Variants in FAR2 observed in about 807,000 individuals in gnomAD.
FAR2 encodes the protein fatty acyl-CoA reductase 2.
FAR2 carries 19 observed loss-of-function variants against 56.0 expected under a neutral mutation model. The ratio of observed to expected loss-of-function variants is 0.34; its 90% CI spans 0.24 to 0.50. The LOEUF is 0.50. Ranked by LOEUF, FAR2 falls within the 20% of genes least tolerant of loss-of-function variation. The pLI, the probability that FAR2 is intolerant of heterozygous loss-of-function variation, is 0.98. For missense variants in FAR2, 508 were observed against 642.2 expected (o/e 0.79, Z 2.26); for synonymous variants, 219 against 218.8 (o/e 1.00, Z -0.01).
At chr12:29,166,833 C>T (rs1460495808) in intron 1 of FAR2, among the ~76,000 whole-genome samples, 1 of 152,174 alleles carries the variant, frequency 6.6e-6, no homozygotes, top group Non-Finnish European at 1.5e-5. Flanking sequence ...TCTTTCTCCC[C>T]CTATAGCTAT....
intron 1 of FAR2, among the ~76,000 whole-genome samples, chr12:29,258,064 C>A (rs1469745528): frequency 1.3e-5 from 2 of 152,074 alleles, no homozygotes; most frequent in Non-Finnish European, 2.9e-5. Flanking sequence ...ATCACAGGGG[C>A]TGGGCACAGT....
chr12:29,330,145 C>T (rs1305386329), intron 10 of FAR2, among the ~76,000 whole-genome samples: 2 of 151,516 alleles, frequency 1.3e-5, no homozygotes, highest in African/African-American at 4.9e-5. Context: ...CAACCTCCGC[C>T]TCCCGGGTTC....
chr12:29,189,543 C>A (rs529645554), intron 1 of FAR2, among the ~76,000 whole-genome samples: 21 of 152,272 alleles, frequency 1.4e-4, no homozygotes, highest in African/African-American at 4.6e-4. Context: ...GATTTGTGCC[C>A]TGAGTGTTCT....
chr12:29,230,084 A>T (rs1947832044), intron 1 of FAR2, among the ~76,000 whole-genome samples: 1 of 152,180 alleles, frequency 6.6e-6, no homozygotes, highest in Non-Finnish European at 1.5e-5. Flanking sequence ...ATGACCGAAT[A>T]AACAGATGTC....
intron 1 of FAR2, among the ~76,000 whole-genome samples, chr12:29,240,357 C>T (rs961755956): frequency 3.3e-5 from 5 of 152,080 alleles, no homozygotes; most frequent in Admixed American, 3.3e-4. Flanking sequence ...GCAATTCTTC[C>T]TCTCCCTGCT....
At chr12:29,177,386 C>G (rs1444467459) in intron 1 of FAR2, among the ~76,000 whole-genome samples, 2 of 152,076 alleles carry the variant, frequency 1.3e-5, no homozygotes, top group Non-Finnish European at 2.9e-5. Context: ...TTTTCTGCTT[C>G]TATTTGTGTT....
chr12:29,252,372 C>G (rs1367076130), intron 1 of FAR2, among the ~76,000 whole-genome samples: 2 of 152,046 alleles, frequency 1.3e-5, no homozygotes, highest in Non-Finnish European at 2.9e-5. Flanking sequence ...GGAGTGCTTA[C>G]TGAAGGAAAA....
At chr12:29,273,192 A>C (rs570365352) in intron 2 of FAR2, among the ~76,000 whole-genome samples, 1 of 152,166 alleles carries the variant, frequency 6.6e-6, no homozygotes, top group African/African-American at 2.4e-5. Context: ...CACTGGGGGG[A>C]AACCCACTTG....
chr12:29,227,559 G>A (rs1034270125), intron 1 of FAR2, among the ~76,000 whole-genome samples: 1 of 152,060 alleles, frequency 6.6e-6, no homozygotes, highest in African/African-American at 2.4e-5. Context: ...TACAGTACTT[G>A]CCCCAAGGTT....
intron 1 of FAR2, among the ~76,000 whole-genome samples, chr12:29,232,159 C>G (rs1161038722): frequency 2.6e-5 from 4 of 152,142 alleles, no homozygotes; most frequent in Non-Finnish European, 5.9e-5. Flanking sequence ...CAATCCCAGA[C>G]TAACATTTCT....
At chr12:29,214,342 A>T (rs1202461800) in intron 1 of FAR2, among the ~76,000 whole-genome samples, 1 of 152,086 alleles carries the variant, frequency 6.6e-6, no homozygotes, top group Non-Finnish European at 1.5e-5. Flanking sequence ...AAAATTATTC[A>T]CTCATTTCTT....
intron 1 of FAR2, among the ~76,000 whole-genome samples, chr12:29,232,404 C>G (rs1947873174): frequency 6.6e-6 from 1 of 152,000 alleles, no homozygotes; most frequent in Non-Finnish European, 1.5e-5. Context: ...AATTTTCTTC[C>G]CTTCCTCATG....
intron 2 of FAR2, among the ~76,000 whole-genome samples, chr12:29,290,262 G>A (rs553030636): frequency 2.6e-4 from 39 of 151,884 alleles, no homozygotes; most frequent in Non-Finnish European, 4.7e-4. Flanking sequence ...CCTGGCCAAC[G>A]TAGCGAAACC....
At chr12:29,238,143 T>G (rs1038395177) in intron 1 of FAR2, among the ~76,000 whole-genome samples, 2 of 152,156 alleles carry the variant, frequency 1.3e-5, no homozygotes, top group Admixed American at 1.3e-4. Flanking sequence ...CAAAGGAGAA[T>G]ATCCACAATT....
chr12:29,195,297 A>G (rs563767190), intron 1 of FAR2, among the ~76,000 whole-genome samples: 2 of 152,338 alleles, frequency 1.3e-5, no homozygotes, highest in South Asian at 4.1e-4. Flanking sequence ...CAAGGAAACT[A>G]CTATCTACCA....
chr12:29,306,336 A>G (rs185087551), intron 4 of FAR2, among the ~76,000 whole-genome samples: 27 of 152,354 alleles, frequency 1.8e-4, no homozygotes, highest in Middle Eastern at 3.4e-3. Flanking sequence ...GCAAAGCAAG[A>G]AAAGTGGAAA....
rs181186551 is a variant in FAR2 at position 29,311,020 on chromosome 12, C to T, written c.769-8C>T. On this transcript the variant is annotated splice_polypyrimidine_tract_variant and splice_region_variant and intron_variant, in intron 6 of 11. Coordinates refer to ENST00000536681, the MANE Select transcript of FAR2 (RefSeq NM_001271783.2). ...GGTTTAATATTTTATGTTCTTTTTC[C>T]TATGCAGACTGGGAAAGGGTTTCTT... 10,245 of 1,600,528 alleles carry T rather than the reference C, an allele frequency of 6.4e-3. 63 individuals carry two copies. Among genetic ancestry groups the T allele is most frequent in the Non-Finnish European group, 6.8e-3 (7,893 of 1,167,956 alleles).
chr12:29,290,528 T>C (rs1016735406), intron 2 of FAR2, among the ~76,000 whole-genome samples: 4 of 152,060 alleles, frequency 2.6e-5, no homozygotes, highest in Non-Finnish European at 5.9e-5. Flanking sequence ...GAAATCAGTA[T>C]CTCAAAGAGG....
chr12:29,181,715 C>T (rs531080661), intron 1 of FAR2, among the ~76,000 whole-genome samples: 27 of 152,224 alleles, frequency 1.8e-4, no homozygotes, highest in Admixed American at 6.5e-4. Context: ...AGTTGGATAC[C>T]CTTCTGCCTT....
Sources: gnomAD v4.1 joint callset for allele counts (sites outside exome capture counted in the v4.1 genomes callset) on GRCh38, gnomAD v4.1.1 for gene constraint, MANE v1.5 for transcripts, NCBI Gene and HGNC (gene_info 2026-07-23, HGNC 2026-07-21) for gene names.